Variants in CDH13 observed in about 807,000 individuals in gnomAD.
CDH13 encodes cadherin 13, also known as cadherin-13.
A neutral mutation model predicts 63.8 loss-of-function variants in CDH13; 24 were observed. The observed-to-expected ratio is 0.38, with a 90% CI of 0.27 to 0.53. The LOEUF (loss-of-function observed/expected upper bound fraction) is 0.53, where lower values mean the gene tolerates loss of function less well. Among genes scored for constraint, CDH13 ranks in the 20% least tolerant of loss-of-function variants. The pLI is 0.85. For missense variants in CDH13, 1,049 were observed against 903.1 expected (o/e 1.16, Z -2.07); for synonymous variants, 503 against 355.3 (o/e 1.42, Z -4.67).
chr16:83,278,920 A>G (rs1338627927), intron 5 of CDH13, among the ~76,000 whole-genome samples: 1 of 152,202 alleles, frequency 6.6e-6, no homozygotes, highest in Non-Finnish European at 1.5e-5. Context: ...TCAGAATAAC[A>G]ATAGCCAGCA....
intron 2 of CDH13, among the ~76,000 whole-genome samples, chr16:82,914,420 A>G (rs994157365): frequency 7.9e-5 from 12 of 152,134 alleles, no homozygotes; most frequent in African/African-American, 2.7e-4. Flanking sequence ...CAAATTTTCT[A>G]TTGTCTCATG....
At chr16:83,415,309 C>T (rs2092184029) in intron 6 of CDH13, among the ~76,000 whole-genome samples, 1 of 152,208 alleles carries the variant, frequency 6.6e-6, no homozygotes, top group South Asian at 2.1e-4. Context: ...CAAAGTAAAG[C>T]TTAAGACCAG....
chr16:82,889,262 C>T (rs1034665900), intron 2 of CDH13, among the ~76,000 whole-genome samples: 6 of 151,938 alleles, frequency 3.9e-5, no homozygotes, highest in Non-Finnish European at 8.8e-5. Flanking sequence ...CTGTAGCACT[C>T]TTGATTCAGG....
chr16:83,168,661 A>G lies in CDH13; in HGVS notation c.483+43160A>G, dbSNP rs1301933225. 2.7e-5 allele frequency among the ~76,000 whole-genome samples: 4 copies of G among 147,200 alleles called. 1 individual carries two copies. The highest frequency in any genetic ancestry group is 1.3e-4 in the Admixed American group (2 of 14,842). On this transcript the variant is annotated intron_variant, in intron 4 of 13. Coordinates refer to ENST00000567109, the MANE Select transcript of CDH13 (RefSeq NM_001257.5). The stretch of plus-strand genomic sequence containing the variant: ...ACTCAGAGATAGCTTCTGATAACAT[A>G]TTGGTGCTTTTACTTCTATTTTTTT...
chr16:83,513,907 A>T (rs927458587), intron 7 of CDH13, among the ~76,000 whole-genome samples: 1 of 152,180 alleles, frequency 6.6e-6, no homozygotes, highest in Non-Finnish European at 1.5e-5. Context: ...GACAAAAATT[A>T]TAGAGAATGA....
chr16:83,077,186 CTTTTTTTTTTTTTT>C (rs34536219), intron 3 of CDH13, among the ~76,000 whole-genome samples: 1 of 59,144 alleles, frequency 1.7e-5, no homozygotes, highest in East Asian at 5.9e-4. Context: ...TTTTTCTTTT[CTTTTTTTTTTTTTT>C]TTTTTTTTTT....
chr16:83,487,449 G>C (rs1254590313), intron 7 of CDH13, among the ~76,000 whole-genome samples: 1 of 152,112 alleles, frequency 6.6e-6, no homozygotes, highest in Non-Finnish European at 1.5e-5. Context: ...GTCCCCTTTA[G>C]ATGGGACATG....
At chr16:82,639,237 C>T in intron 1 of CDH13, 1 of 524,058 alleles carries the variant, frequency 1.9e-6, no homozygotes, top group Admixed American at 3.4e-5. Flanking sequence ...TTTTGAGTTC[C>T]TAGTCTCTCA....
intron 10 of CDH13, among the ~76,000 whole-genome samples, chr16:83,736,598 G>T (rs1424516301): frequency 6.6e-6 from 1 of 150,998 alleles, no homozygotes; most frequent in Non-Finnish European, 1.5e-5. Flanking sequence ...TGAAGACGTT[G>T]TTTCCTTACT....
In CDH13 at chr16:83,748,337, G is replaced by A. The variant is rs953886142; in HGVS notation, c.1681+87G>A. The A allele has an allele frequency of 6.5e-6, 8 of 1,226,454 alleles. No individual in the cohort carries two copies. In the East Asian group the frequency reaches 9.4e-5, roughly 14 times the overall value. 76.0% of individuals were successfully genotyped at this position (1,226,454 alleles called of 1,614,324 possible). A position where few individuals can be genotyped will look rare whatever the true frequency, so the allele number is the denominator to read the frequency against. ...TTTAAATTTCTTCTGATACACCCAG[G>A]GGTGTTCTTGGGAAGAATGTAAGTG... On this transcript the variant is annotated intron_variant, in intron 11 of 13. Coordinates refer to ENST00000567109, the MANE Select transcript of CDH13 (RefSeq NM_001257.5).
At chr16:83,306,608 A>G (rs151209459) in intron 5 of CDH13, among the ~76,000 whole-genome samples, 2 of 152,306 alleles carry the variant, frequency 1.3e-5, no homozygotes, top group Non-Finnish European at 2.9e-5. Context: ...CCTGAGCTAA[A>G]TTATAATAAT....
At chr16:82,680,331 C>A (rs1206202566) in intron 1 of CDH13, among the ~76,000 whole-genome samples, 1 of 152,112 alleles carries the variant, frequency 6.6e-6, no homozygotes, top group Admixed American at 6.5e-5. Context: ...GTCGAGGCAC[C>A]CTCATTCACA....
At chr16:82,642,490 T>C (rs1358791064) in intron 1 of CDH13, among the ~76,000 whole-genome samples, 2 of 152,206 alleles carry the variant, frequency 1.3e-5, no homozygotes, top group Non-Finnish European at 2.9e-5. Flanking sequence ...ATTGTTCTTT[T>C]TCTCTCTCTC....
rs142579573 is a variant in CDH13 at position 83,442,093 on chromosome 16, C to T, written c.782-44384C>T. ...TACTTGCAGTCGGACCGGAGGAACA[C>T]ACAGGCCAACTCTGACGCAAAGCAT... On this transcript the variant is annotated intron_variant, in intron 6 of 13. Coordinates refer to ENST00000567109, the MANE Select transcript of CDH13 (RefSeq NM_001257.5). Among the ~76,000 whole-genome samples the T allele has an allele frequency of 5.6e-4, 86 of 152,264 alleles. 2 individuals are homozygous for T. The East Asian group carries it at 0.015, about 27-fold the overall frequency.
intron 2 of CDH13, among the ~76,000 whole-genome samples, chr16:82,873,137 A>T (rs2040399085): frequency 6.6e-6 from 1 of 152,178 alleles, no homozygotes; most frequent in Non-Finnish European, 1.5e-5. Context: ...GAATCCAGTG[A>T]GGTAAAAATC....
At chr16:82,645,851 G>A (rs1367244796) in intron 1 of CDH13, among the ~76,000 whole-genome samples, 2 of 152,162 alleles carry the variant, frequency 1.3e-5, no homozygotes, top group African/African-American at 4.8e-5. Flanking sequence ...ATTCCAAAGG[G>A]CATTTAAGAA....
At chr16:83,440,836 A>G (rs1308244634) in intron 6 of CDH13, among the ~76,000 whole-genome samples, 22 of 151,074 alleles carry the variant, frequency 1.5e-4, no homozygotes, top group Admixed American at 1.4e-3. Flanking sequence ...GTGCCCTTCT[A>G]GAACTACCAC....
chr16:83,586,798 G>A (rs1010605729), intron 7 of CDH13, among the ~76,000 whole-genome samples: 4 of 152,140 alleles, frequency 2.6e-5, no homozygotes, highest in South Asian at 4.2e-4. Flanking sequence ...ATCTGTGGCC[G>A]GGTTATGCTC....
chr16:83,540,094 C>G (rs1350674058), intron 7 of CDH13, among the ~76,000 whole-genome samples: 1 of 138,740 alleles, frequency 7.2e-6, no homozygotes, highest in East Asian at 2.1e-4. Flanking sequence ...GAGATGGAGT[C>G]TCACTCTGTC....
Sources: gnomAD v4.1 joint callset for allele counts (sites outside exome capture counted in the v4.1 genomes callset) on GRCh38, gnomAD v4.1.1 for gene constraint, MANE v1.5 for transcripts, NCBI Gene and HGNC (gene_info 2026-07-23, HGNC 2026-07-21) for gene names.